PPP2R2B: variants seen among roughly 807,000 people sequenced by gnomAD.
PPP2R2B encodes the protein protein phosphatase 2 regulatory subunit Bbeta, also known as serine/threonine-protein phosphatase 2A 55 kDa regulatory subunit B beta isoform.
A neutral mutation model predicts 46.0 loss-of-function variants in PPP2R2B; 5 were observed. The ratio of observed to expected loss-of-function variants is 0.11; its 90% CI spans 0.06 to 0.23. The LOEUF (loss-of-function observed/expected upper bound fraction) is 0.23. Among genes scored for constraint, PPP2R2B ranks in the 10% least tolerant of loss-of-function variants. PPP2R2B has a pLI of 1.00. For synonymous variants in PPP2R2B, 215 were observed against 206.7 expected (o/e 1.04, Z -0.34); for missense variants, 367 against 575.0 (o/e 0.64, Z 3.70).
chr5:146,863,869 C>A lies in PPP2R2B; in HGVS notation c.70+14133G>T, dbSNP rs374365018. Among the ~76,000 whole-genome samples, 65 of 152,306 alleles carry A rather than the reference C, an allele frequency of 4.3e-4. No individual in the cohort carries two copies. The East Asian group carries it at 0.01, about 24-fold the overall frequency. On this transcript the variant is annotated intron_variant, in intron 2 of 9. Coordinates refer to ENST00000394411, the MANE Select transcript of PPP2R2B (RefSeq NM_181675.4). Reference sequence around the variant, plus strand: ...ATTGAGATTTCACACCGACTCCCAACTGTAACCCCCAAAGACTGCTGAAAT... The same window carrying A: ...ATTGAGATTTCACACCGACTCCCAAATGTAACCCCCAAAGACTGCTGAAAT...
At chr5:146,791,734 C>G (rs1236085549) in intron 2 of PPP2R2B, among the ~76,000 whole-genome samples, 1 of 152,198 alleles carries the variant, frequency 6.6e-6, no homozygotes. Flanking sequence ...AATCCCCAAA[C>G]CTTATGCTAC....
At chr5:146,706,904 TG>T in intron 2 of PPP2R2B, 2 of 1,285,264 alleles carry the variant, frequency 1.6e-6, no homozygotes, top group Non-Finnish European at 2.3e-6. Flanking sequence ...GTCCGAGATC[TG>T]GGACTGCAGC....
intron 1 of PPP2R2B, among the ~76,000 whole-genome samples, chr5:146,985,024 T>C (rs927377023): frequency 0.02 from 2,807 of 142,854 alleles, 79 homozygotes; most frequent in African/African-American, 0.067. Flanking sequence ...TTTCTTTTTT[T>C]TTTTTTTTTT....
chr5:147,080,376 C>T (rs937351806), intron 2 of PPP2R2B, among the ~76,000 whole-genome samples: 5 of 152,158 alleles, frequency 3.3e-5, no homozygotes, highest in East Asian at 3.8e-4. Context: ...AGAGCTAAAC[C>T]GTGATTTAAA....
intron 6 of PPP2R2B, among the ~76,000 whole-genome samples, chr5:146,648,167 T>A (rs1775711071): frequency 6.6e-6 from 1 of 152,168 alleles, no homozygotes; most frequent in South Asian, 2.1e-4. Context: ...GAATGCATAC[T>A]TTTTTAGGGC....
At chr5:147,077,114 AATATTGT>A (rs989734532) in intron 2 of PPP2R2B, among the ~76,000 whole-genome samples, 249 of 147,706 alleles carry the variant, frequency 1.7e-3, no homozygotes, top group African/African-American at 5.9e-3. Context: ...TATAATATGT[AATATTGT>A]ATATTGTATA....
At chr5:146,993,875 A>G (rs964925339) in intron 1 of PPP2R2B, among the ~76,000 whole-genome samples, 13 of 152,120 alleles carry the variant, frequency 8.5e-5, no homozygotes, top group Non-Finnish European at 1.8e-4. Flanking sequence ...AGGATACTAT[A>G]ATAGTTAGTA....
At chr5:147,067,911 A>G (rs114043211) in intron 2 of PPP2R2B, among the ~76,000 whole-genome samples, 1 of 152,284 alleles carries the variant, frequency 6.6e-6, no homozygotes, top group African/African-American at 2.4e-5. Context: ...ACTTGCTCTG[A>G]CATCGTGTCT....
intron 2 of PPP2R2B, among the ~76,000 whole-genome samples, chr5:147,078,990 T>A (rs997108322): frequency 1.3e-5 from 2 of 152,056 alleles, no homozygotes; most frequent in Middle Eastern, 3.2e-3. Context: ...AGAGAGTAGG[T>A]CATTTTTTTC....
In PPP2R2B at chr5:146,739,416, G is replaced by A. The variant is rs530259397; in HGVS notation, c.71-38274C>T. The stretch of plus-strand genomic sequence containing the variant: ...TAAAAGACAAATGAGAGTCAGCCTG[G>A]CCAAAGGGCAAAGGATGGGGAGGAA... On this transcript the variant is annotated intron_variant, in intron 2 of 9. Transcript: ENST00000394411. Among the ~76,000 whole-genome samples the A allele has an allele frequency of 1.0e-3, 153 of 152,280 alleles. 1 individual carries two copies. The highest frequency in any genetic ancestry group is 3.6e-3 in the African/African-American group (150 of 41,552).
chr5:146,889,781 T>A (rs1414996639), intron 1 of PPP2R2B, among the ~76,000 whole-genome samples: 2 of 152,236 alleles, frequency 1.3e-5, no homozygotes, highest in African/African-American at 4.8e-5. Flanking sequence ...GAATTTGTAA[T>A]TGTTGTCAGA....
chr5:146,659,798 T>C (rs984381693), intron 5 of PPP2R2B, among the ~76,000 whole-genome samples: 2 of 152,192 alleles, frequency 1.3e-5, no homozygotes, highest in African/African-American at 4.8e-5. Context: ...GCTGTCTGGC[T>C]CCAGCCCCTA....
At chr5:146,951,358 TAA>T (rs112806158) in intron 1 of PPP2R2B, among the ~76,000 whole-genome samples, 2 of 151,660 alleles carry the variant, frequency 1.3e-5, no homozygotes, top group African/African-American at 4.8e-5. Flanking sequence ...CTTTTTTTTT[TAA>T]AAATTAAGTT....
At chr5:146,662,222 A>G (rs1776718062) in intron 5 of PPP2R2B, among the ~76,000 whole-genome samples, 1 of 152,212 alleles carries the variant, frequency 6.6e-6, no homozygotes, top group African/African-American at 2.4e-5. Flanking sequence ...GCTGGAAGTT[A>G]CCTGAGAAGT....
chr5:146,827,145 G>C (rs1381296122), intron 2 of PPP2R2B, among the ~76,000 whole-genome samples: 1 of 152,068 alleles, frequency 6.6e-6, no homozygotes, highest in Non-Finnish European at 1.5e-5. Flanking sequence ...GATATCATAG[G>C]GGCTTATGTG....
intron 1 of PPP2R2B, among the ~76,000 whole-genome samples, chr5:146,914,724 T>C (rs1166229649): frequency 6.6e-6 from 1 of 152,136 alleles, no homozygotes; most frequent in Non-Finnish European, 1.5e-5. Context: ...GATGAATAAG[T>C]ATAGGGTTGG....
intron 1 of PPP2R2B, among the ~76,000 whole-genome samples, chr5:146,949,725 C>T (rs1238085283): frequency 6.6e-6 from 1 of 152,068 alleles, no homozygotes; most frequent in Admixed American, 6.6e-5. Context: ...ATGTTTATTT[C>T]AGCACTATTA....
intron 2 of PPP2R2B, among the ~76,000 whole-genome samples, chr5:146,750,098 G>A (rs1258566257): frequency 6.6e-6 from 1 of 152,072 alleles, no homozygotes; most frequent in Non-Finnish European, 1.5e-5. Flanking sequence ...AACAAACTGA[G>A]TTGAACATAT....
intron 1 of PPP2R2B, among the ~76,000 whole-genome samples, chr5:146,938,751 CTTTTTTTTTTTTTT>C (rs33961672): frequency 0.02 from 1,323 of 66,076 alleles, 19 homozygotes; most frequent in African/African-American, 0.084. Context: ...AGATAATAGC[CTTTTTTTTTTTTTT>C]TTTTTTTTTT....
Sources: gnomAD v4.1 joint callset for allele counts (sites outside exome capture counted in the v4.1 genomes callset) on GRCh38, gnomAD v4.1.1 for gene constraint, MANE v1.5 for transcripts, NCBI Gene and HGNC (gene_info 2026-07-23, HGNC 2026-07-21) for gene names.